The following MAST2 variants were observed in gnomAD, a reference collection of about 807,000 sequenced individuals.
MAST2 encodes the protein microtubule-associated serine/threonine-protein kinase 2.
Under a neutral mutation model 147.4 loss-of-function variants are expected in MAST2, and 70 were observed. That is an observed-to-expected ratio of 0.47 (90% CI 0.39 to 0.58). The LOEUF (loss-of-function observed/expected upper bound fraction) is 0.58. Ranked by LOEUF, MAST2 falls within the 20% of genes least tolerant of loss-of-function variation. MAST2 has a pLI of 0.00. For missense variants in MAST2, 2,080 were observed against 2,302.3 expected (o/e 0.90, Z 1.98); for synonymous variants, 869 against 896.8 (o/e 0.97, Z 0.55).
In MAST2 at chr1:46,035,747, A is replaced by G. The variant is rs1434912121; in HGVS notation, c.5078A>G (p.Gln1693Arg). The change falls in exon 29 of 29, where the codon CAG (glutamine) becomes CGG (arginine). Residue 1693 changes from glutamine (Q) to arginine (R), a missense_variant. Gln to Arg is a conservative substitution (Grantham distance 43). Transcript: ENST00000361297. The surrounding 1 kb of genome is among the most constrained non-coding windows in gnomAD (Gnocchi z 5.5). ...GATTTGGAAAACACAACTCCAGCCC[A>G]GCCTAAGAACCTGTCTCCCAGGGAG... is the stretch of plus-strand genomic sequence containing the variant. ...LQDLENTTPA[Q>R]PKNLSPREQG... 1.2e-6 allele frequency: 2 copies of G among 1,614,098 alleles called. No individual in the cohort carries two copies. Among genetic ancestry groups the G allele is most frequent in the Non-Finnish European group, 1.7e-6 (2 of 1,180,026 alleles).
chr1:45,877,870 A>G (rs942609014), intron 3 of MAST2, among the ~76,000 whole-genome samples: 3 of 152,196 alleles, frequency 2.0e-5, no homozygotes, highest in African/African-American at 7.2e-5. Flanking sequence ...AAAATCATTA[A>G]AAAGATATTA....
chr1:45,894,457 ATGCT>A (rs1330197810), intron 4 of MAST2, among the ~76,000 whole-genome samples: 8 of 152,170 alleles, frequency 5.3e-5, no homozygotes, highest in Non-Finnish European at 1.0e-4. Context: ...GAGGAGCCCT[ATGCT>A]TGCTTGATTA....
intron 1 of MAST2, among the ~76,000 whole-genome samples, chr1:45,824,211 A>T (rs183059152): frequency 9.2e-5 from 14 of 152,200 alleles, no homozygotes; most frequent in African/African-American, 3.4e-4. Flanking sequence ...GACCTTTCTC[A>T]CCTATTTTTC....
At chr1:45,967,843 A>G (rs1342301886) in intron 5 of MAST2, among the ~76,000 whole-genome samples, 2 of 152,234 alleles carry the variant, frequency 1.3e-5, no homozygotes, top group Non-Finnish European at 2.9e-5. Flanking sequence ...TTATGATGGC[A>G]AAATACACCT....
At chr1:45,835,810 CTG>C (rs964783644) in intron 3 of MAST2, among the ~76,000 whole-genome samples, 10 of 152,132 alleles carry the variant, frequency 6.6e-5, no homozygotes, top group Admixed American at 6.6e-4. Context: ...CTTTTTGTCT[CTG>C]TGGATTTACC....
chr1:45,838,736 GA>G lies in MAST2; in HGVS notation c.468+9160del, dbSNP rs1300514532. ...CAGTTTTACACAAATATTTATATAC[GA>G]AAAATGTGGAAATCAGTTGTATCCC... On this transcript the variant is annotated intron_variant, in intron 3 of 28. Transcript: ENST00000361297. 1.1e-4 allele frequency among the ~76,000 whole-genome samples: 17 copies of G among 151,998 alleles called. No homozygotes were observed. The East Asian group carries it at 3.3e-3, about 29-fold the overall frequency.
chr1:45,966,682 A>G (rs1661261225), intron 5 of MAST2, among the ~76,000 whole-genome samples: 2 of 152,120 alleles, frequency 1.3e-5, no homozygotes, highest in Non-Finnish European at 2.9e-5. Context: ...AGATTGTGCC[A>G]CTGCACTCCA....
At chr1:45,822,035 C>T (rs1644651259) in intron 1 of MAST2, among the ~76,000 whole-genome samples, 1 of 151,534 alleles carries the variant, frequency 6.6e-6, no homozygotes, top group South Asian at 2.1e-4. Context: ...ATTACAGGCA[C>T]GTGCCATCAC....
At chr1:45,866,020 C>CT (rs900342348) in intron 3 of MAST2, among the ~76,000 whole-genome samples, 87 of 152,170 alleles carry the variant, frequency 5.7e-4, no homozygotes, top group African/African-American at 1.9e-3. Flanking sequence ...TTATAAAGCA[C>CT]TTTTTTTGTA....
intron 3 of MAST2, among the ~76,000 whole-genome samples, chr1:45,870,061 T>C (rs1646319671): frequency 1.3e-5 from 2 of 152,172 alleles, no homozygotes; most frequent in African/African-American, 4.8e-5. Flanking sequence ...GTAGTTGGGA[T>C]CACAGGTTCC....
chr1:45,864,321 A>G (rs892863611), intron 3 of MAST2, among the ~76,000 whole-genome samples: 2 of 152,212 alleles, frequency 1.3e-5, no homozygotes, highest in Non-Finnish European at 2.9e-5. Context: ...CTCAGAACTC[A>G]CAACACGTGG....
intron 3 of MAST2, among the ~76,000 whole-genome samples, chr1:45,879,336 G>T (rs1646740825): frequency 6.6e-6 from 1 of 152,158 alleles, no homozygotes; most frequent in South Asian, 2.1e-4. Context: ...ACTTTGGGAG[G>T]TTGAGGCAGG....
intron 5 of MAST2, among the ~76,000 whole-genome samples, chr1:45,970,740 C>T (rs1415387582): frequency 1.4e-5 from 2 of 147,208 alleles, no homozygotes; most frequent in African/African-American, 2.5e-5. Context: ...GTCTGTCTGT[C>T]CAGTTTTGGG....
chr1:46,026,582 C>T (rs1357524788), intron 16 of MAST2, among the ~76,000 whole-genome samples: 1 of 152,024 alleles, frequency 6.6e-6, no homozygotes, highest in Non-Finnish European at 1.5e-5. Context: ...ACACTGAGAC[C>T]ACTGCCAAAG....
At chr1:45,858,454 G>A (rs1035426024) in intron 3 of MAST2, among the ~76,000 whole-genome samples, 2 of 151,878 alleles carry the variant, frequency 1.3e-5, no homozygotes, top group Non-Finnish European at 2.9e-5. Context: ...ACTTTGTGAT[G>A]GGGTTGTTTG....
At chr1:45,902,612 CTT>C (rs896331236) in intron 4 of MAST2, among the ~76,000 whole-genome samples, 1 of 141,452 alleles carries the variant, frequency 7.1e-6, no homozygotes. Flanking sequence ...TGGTCCTGGG[CTT>C]TTTTTTTTGG....
chr1:46,025,140 G>A (rs1029628151), intron 15 of MAST2, among the ~76,000 whole-genome samples: 4 of 152,064 alleles, frequency 2.6e-5, no homozygotes, highest in East Asian at 1.9e-4. Flanking sequence ...CCAACATGGC[G>A]AAACCCCGTC....
rs1055531547 is a variant in MAST2 at position 46,034,767 on chromosome 1, G to A, written c.4098G>A (p.Leu1366=). Residue 1366 remains leucine (L), a synonymous_variant, in exon 29 of 29, where the codon CTG becomes CTA. Coordinates refer to ENST00000361297, the MANE Select transcript of MAST2 (RefSeq NM_015112.3). ...CACCTCAGCGGTCCCCATCGCCCCTGTCTGGCCATGTAGCCCAGGCCTTTC... is the reference window on the plus strand; with the variant it reads ...CACCTCAGCGGTCCCCATCGCCCCTATCTGGCCATGTAGCCCAGGCCTTTC... ...TASPQRSPSP[L]SGHVAQAFPT... is the part of the protein sequence containing the mutation. 1 of 1,613,600 alleles carries A rather than the reference G, an allele frequency of 6.2e-7. No homozygotes were observed. Among genetic ancestry groups the A allele is most frequent in the African/African-American group, 1.3e-5 (1 of 74,818 alleles).
chr1:45,835,642 A>AT (rs1645081273), intron 3 of MAST2, among the ~76,000 whole-genome samples: 1 of 152,124 alleles, frequency 6.6e-6, no homozygotes, highest in South Asian at 2.1e-4. Context: ...TAAAGTGTAC[A>AT]TTTTAGTGGC....
Sources: gnomAD v4.1 joint callset for allele counts (sites outside exome capture counted in the v4.1 genomes callset) on GRCh38, gnomAD v4.1.1 for gene constraint, Gnocchi (gnomAD v3.1) non-coding constraint, MANE v1.5 for transcripts, NCBI Gene and HGNC (gene_info 2026-07-23, HGNC 2026-07-21) for gene names.